The following POLN variants were observed in gnomAD, a reference collection of about 807,000 sequenced individuals.
POLN encodes the protein DNA polymerase N.
POLN carries 108 observed loss-of-function variants against 113.5 expected under a neutral mutation model. The observed-to-expected ratio is 0.95, with a 90% CI of 0.81 to 1.12. The LOEUF (loss-of-function observed/expected upper bound fraction) is 1.12. POLN is among the 50% of genes most tolerant of loss of function. The pLI is 0.00. For synonymous variants in POLN, 386 were observed against 391.5 expected, an observed-to-expected ratio of 0.99 and a Z score of 0.17; for missense variants, 1,097 against 1,077.1, an observed-to-expected ratio of 1.02 and a Z score of -0.26.
chr4:2,223,060 G>A (rs1424168344), intron 3 of POLN, among the ~76,000 whole-genome samples: 1 of 152,196 alleles, frequency 6.6e-6, no homozygotes, highest in Non-Finnish European at 1.5e-5. Context: ...TTGGAGATCA[G>A]AAGAATGGAG....
chr4:2,240,016 C>G, intron 2 of POLN: 1 of 1,575,830 alleles, frequency 6.3e-7, no homozygotes, highest in Non-Finnish European at 8.7e-7. Context: ...AATGTGAATC[C>G]AATCTCATTT....
rs548527562 is a variant in POLN at position 2,175,229 on chromosome 4, T to C, written c.1249-478A>G. 5.3e-5 allele frequency among the ~76,000 whole-genome samples: 8 copies of C among 152,280 alleles called. No homozygotes were observed. In the East Asian group the frequency reaches 1.5e-3, roughly 29 times the overall value. Reference sequence around the variant, plus strand: ...CTCTTACTTGCTCTTCCTAATGAACTCTTATTTCCCTTAAGTAGGCTATTT... The same window carrying C: ...CTCTTACTTGCTCTTCCTAATGAACCCTTATTTCCCTTAAGTAGGCTATTT... On this transcript the variant is annotated intron_variant, in intron 9 of 25. Coordinates refer to ENST00000511885, the MANE Select transcript of POLN (RefSeq NM_181808.4).
chr4:2,150,846 A>G lies in POLN; in HGVS notation c.1731+5942T>C, dbSNP rs189951594. ...CCATATACAACAGTCATAGCTCTAAATGTAAAGCCCAAAACTATAATACGT... is the reference window on the plus strand; with the variant it reads ...CCATATACAACAGTCATAGCTCTAAGTGTAAAGCCCAAAACTATAATACGT... On this transcript the variant is annotated intron_variant, in intron 16 of 25. Coordinates refer to ENST00000511885, the MANE Select transcript of POLN (RefSeq NM_181808.4). Among the ~76,000 whole-genome samples the G allele has an allele frequency of 7.9e-5, 12 of 152,362 alleles. No individual in the cohort carries two copies. The East Asian group carries it at 2.3e-3, about 29-fold the overall frequency.
chr4:2,096,448 G>T (rs542394681), intron 19 of POLN, among the ~76,000 whole-genome samples: 11 of 152,048 alleles, frequency 7.2e-5, no homozygotes, highest in Non-Finnish European at 1.3e-4. Context: ...CATCTGACTG[G>T]CATGTGAACC....
At chr4:2,123,987 C>G (rs1731515137) in intron 19 of POLN, among the ~76,000 whole-genome samples, 1 of 151,824 alleles carries the variant, frequency 6.6e-6, no homozygotes, top group African/African-American at 2.4e-5. Flanking sequence ...TATATTATTC[C>G]ATATAATAGA....
chr4:2,200,263 A>G (rs1733679025), intron 5 of POLN, among the ~76,000 whole-genome samples: 1 of 152,204 alleles, frequency 6.6e-6, no homozygotes, highest in Admixed American at 6.5e-5. Flanking sequence ...CTTGATTTCA[A>G]AACTTACTAT....
At chr4:2,166,904 C>T (rs996458559) in intron 13 of POLN, among the ~76,000 whole-genome samples, 11 of 152,290 alleles carry the variant, frequency 7.2e-5, no homozygotes, top group African/African-American at 2.6e-4. Context: ...CTGCGTGAAC[C>T]AATGTCCCTA....
At chr4:2,175,486 A>AT (rs1732972864) in intron 9 of POLN, among the ~76,000 whole-genome samples, 2 of 152,098 alleles carry the variant, frequency 1.3e-5, no homozygotes, top group Admixed American at 1.3e-4. Context: ...ATTCTCATTG[A>AT]TTTTTCACTG....
intron 3 of POLN, among the ~76,000 whole-genome samples, chr4:2,223,360 T>C (rs920121582): frequency 6.6e-6 from 1 of 152,194 alleles, no homozygotes; most frequent in African/African-American, 2.4e-5. Context: ...TTCCGCCTCC[T>C]GTCAGATAGG....
chr4:2,191,222 G>A (rs775873409), intron 7 of POLN, among the ~76,000 whole-genome samples: 4 of 152,186 alleles, frequency 2.6e-5, no homozygotes, highest in Non-Finnish European at 5.9e-5. Flanking sequence ...AGATCACCAT[G>A]TTAAGTGAAA....
At chr4:2,089,872 G>A (rs1730626319) in intron 20 of POLN, 1 of 968,346 alleles carries the variant, frequency 1.0e-6, no homozygotes, top group Non-Finnish European at 1.6e-6. Context: ...CAGACTGTCT[G>A]TAGATGACAA....
chr4:2,073,986 G>GC (rs1730215488), intron 24 of POLN, among the ~76,000 whole-genome samples: 2 of 152,328 alleles, frequency 1.3e-5, no homozygotes, highest in South Asian at 4.1e-4. Context: ...AAGGACCTGG[G>GC]CCCCCCTGGG....
At chr4:2,107,975 G>T (rs568702148) in intron 19 of POLN, among the ~76,000 whole-genome samples, 7 of 152,258 alleles carry the variant, frequency 4.6e-5, no homozygotes, top group South Asian at 2.1e-4. Context: ...ACACCTTTGC[G>T]ATGCTCTTCA....
At chr4:2,209,291 C>T (rs1006956734) in intron 4 of POLN, among the ~76,000 whole-genome samples, 1 of 151,814 alleles carries the variant, frequency 6.6e-6, no homozygotes, top group African/African-American at 2.4e-5. Context: ...ACCATCCTGA[C>T]CAACATGGAG....
In POLN at chr4:2,121,723, C is replaced by A. The variant is rs549085539; in HGVS notation, c.1982+6390G>T. Among the ~76,000 whole-genome samples, 26 of 151,946 alleles carry A rather than the reference C, an allele frequency of 1.7e-4. No homozygotes were observed. In the South Asian group the frequency reaches 5.0e-3, roughly 29 times the overall value. On this transcript the variant is annotated intron_variant, in intron 19 of 25. Transcript: ENST00000511885. The stretch of plus-strand genomic sequence containing the variant: ...CATTCCTGATATTGATGATTTACAT[C>A]ATCTATTTTCATTTTTTGTCATCCT...
chr4:2,183,332 A>C (rs1733189218), intron 7 of POLN, among the ~76,000 whole-genome samples: 1 of 152,228 alleles, frequency 6.6e-6, no homozygotes, highest in African/African-American at 2.4e-5. Context: ...AAATATGTCC[A>C]CGCAAAGACC....
At chr4:2,147,862 C>T (rs1404219416) in intron 16 of POLN, among the ~76,000 whole-genome samples, 4 of 151,960 alleles carry the variant, frequency 2.6e-5, no homozygotes, top group Non-Finnish European at 4.4e-5. Flanking sequence ...AGGCTGGTCT[C>T]GATCTCCTGA....
intron 19 of POLN, among the ~76,000 whole-genome samples, chr4:2,102,230 T>C (rs1056158068): frequency 2.6e-5 from 4 of 152,170 alleles, no homozygotes; most frequent in African/African-American, 9.7e-5. Context: ...GTTCACCTGG[T>C]CTGGCTGTGC....
chr4:2,131,196 A>C, intron 17 of POLN, 37 bp downstream of exon 17: 2 of 1,434,810 alleles, frequency 1.4e-6, no homozygotes, highest in Non-Finnish European at 1.9e-6. Context: ...AAAGAGAGTT[A>C]CCAGAGACTT....
Sources: gnomAD v4.1 joint callset for allele counts (sites outside exome capture counted in the v4.1 genomes callset) on GRCh38, gnomAD v4.1.1 for gene constraint, MANE v1.5 for transcripts, NCBI Gene and HGNC (gene_info 2026-07-23, HGNC 2026-07-21) for gene names.